MAPK10: variants seen among roughly 807,000 people sequenced by gnomAD.
MAPK10 encodes mitogen-activated protein kinase 10, also known as JNK3 alpha protein kinase.
A neutral mutation model predicts 59.3 loss-of-function variants in MAPK10; 25 were observed. That is an observed-to-expected ratio of 0.42 (90% CI 0.31 to 0.59). MAPK10 has a LOEUF of 0.59. Among genes scored for constraint, MAPK10 ranks in the 20% least tolerant of loss-of-function variants. The probability of loss-of-function intolerance (pLI) is 0.15; values close to 1 mark genes in which losing one functional copy is unlikely to be tolerated. For synonymous variants in MAPK10, 190 were observed against 200.5 expected (o/e 0.95, Z 0.44); for missense variants, 351 against 568.9 (o/e 0.62, Z 3.90).
intron 2 of MAPK10, among the ~76,000 whole-genome samples, chr4:86,341,370 A>G (rs1207844011): frequency 3.9e-5 from 6 of 152,334 alleles, no homozygotes; most frequent in African/African-American, 1.4e-4. Flanking sequence ...GTATTTTTAG[A>G]AGTCTTAAGA....
chr4:86,149,549 G>A (rs1423290966), intron 4 of MAPK10, among the ~76,000 whole-genome samples: 1 of 152,182 alleles, frequency 6.6e-6, no homozygotes, highest in Non-Finnish European at 1.5e-5. Flanking sequence ...TTACAGGCAC[G>A]AGTCACCGCA....
intron 2 of MAPK10, among the ~76,000 whole-genome samples, chr4:86,272,385 AG>A: frequency 6.6e-6 from 1 of 152,068 alleles, no homozygotes; most frequent in Admixed American, 6.6e-5. Flanking sequence ...CTCTCTAAAA[AG>A]TTTATGCCTA....
At chr4:86,060,206 T>C (rs2045466412) in intron 11 of MAPK10, among the ~76,000 whole-genome samples, 1 of 152,202 alleles carries the variant, frequency 6.6e-6, no homozygotes, top group East Asian at 1.9e-4. Flanking sequence ...TCTGACTCCA[T>C]ATGTTTGTAC....
intron 11 of MAPK10, among the ~76,000 whole-genome samples, chr4:86,054,395 C>T (rs567188645): frequency 6.6e-6 from 1 of 152,202 alleles, no homozygotes; most frequent in East Asian, 1.9e-4. Context: ...GCAATTCAAA[C>T]GATAGCTTCA....
intron 2 of MAPK10, among the ~76,000 whole-genome samples, chr4:86,338,963 T>C (rs993364267): frequency 6.7e-5 from 6 of 88,996 alleles, no homozygotes; most frequent in African/African-American, 2.0e-4. Flanking sequence ...CATACCCATT[T>C]TGTAGATTAA....
intron 2 of MAPK10, among the ~76,000 whole-genome samples, chr4:86,212,721 A>G (rs1409221525): frequency 6.6e-6 from 1 of 152,186 alleles, no homozygotes; most frequent in Non-Finnish European, 1.5e-5. Flanking sequence ...GACCATCAAA[A>G]TATAGGAAGC....
intron 2 of MAPK10, among the ~76,000 whole-genome samples, chr4:86,236,101 A>T (rs2092195635): frequency 6.7e-6 from 1 of 150,356 alleles, no homozygotes; most frequent in South Asian, 2.1e-4. Context: ...TCTGCAACAC[A>T]CTCTCTCTCT....
chr4:86,290,446 A>G (rs2095184954), intron 2 of MAPK10, among the ~76,000 whole-genome samples: 1 of 152,204 alleles, frequency 6.6e-6, no homozygotes, highest in Non-Finnish European at 1.5e-5. Context: ...TAATACTGGC[A>G]ACGGCCAATC....
At chr4:86,368,267 C>A (rs900166367) in intron 1 of MAPK10, among the ~76,000 whole-genome samples, 2 of 152,110 alleles carry the variant, frequency 1.3e-5, no homozygotes, top group Non-Finnish European at 2.9e-5. Flanking sequence ...GTAGAGAATT[C>A]CCATATACCC....
At chr4:86,350,278 G>A (rs1255355380) in intron 2 of MAPK10, among the ~76,000 whole-genome samples, 4 of 149,944 alleles carry the variant, frequency 2.7e-5, no homozygotes, top group East Asian at 2.0e-4. Flanking sequence ...GCAGTGGCAC[G>A]ATCGCGGCTC....
chr4:86,255,402 C>T (rs1196482926), intron 2 of MAPK10, among the ~76,000 whole-genome samples: 2 of 152,122 alleles, frequency 1.3e-5, no homozygotes, highest in African/African-American at 4.8e-5. Flanking sequence ...TTCATCAATG[C>T]ACCATGACAT....
At chr4:86,322,342 G>C (rs913574920) in intron 2 of MAPK10, among the ~76,000 whole-genome samples, 5 of 152,174 alleles carry the variant, frequency 3.3e-5, no homozygotes, top group African/African-American at 1.2e-4. Context: ...ACACAATCTA[G>C]TCAGCTAGCA....
chr4:86,249,815 G>A (rs1349018267), intron 2 of MAPK10, among the ~76,000 whole-genome samples: 1 of 152,074 alleles, frequency 6.6e-6, no homozygotes, highest in Non-Finnish European at 1.5e-5. Context: ...AATGACAACT[G>A]CAGTCAAGAT....
At chr4:86,320,243 A>G (rs1564344626) in intron 2 of MAPK10, among the ~76,000 whole-genome samples, 1 of 152,316 alleles carries the variant, frequency 6.6e-6, no homozygotes, top group Middle Eastern at 3.4e-3. Flanking sequence ...ATTTGAAAAT[A>G]TATCTCCCAA....
At chr4:86,214,522 A>AC (rs1001709340) in intron 2 of MAPK10, among the ~76,000 whole-genome samples, 82 of 149,616 alleles carry the variant, frequency 5.5e-4, no homozygotes, top group African/African-American at 1.9e-3. Context: ...AAAAAAAAAA[A>AC]AAAAAAAAAA....
At chr4:86,453,483 C>A (rs975042337), upstream of MAPK10, 1 of 152,196 alleles carries the variant, frequency 6.6e-6, no homozygotes, top group African/African-American at 2.4e-5. Flanking sequence ...AGCTTGCCCG[C>A]ACTTCCCTGT....
intron 1 of MAPK10, among the ~76,000 whole-genome samples, chr4:86,590,134 CAG>C (rs1762932610): frequency 6.6e-6 from 1 of 151,886 alleles, no homozygotes; most frequent in African/African-American, 2.4e-5. Context: ...CATCTGATAA[CAG>C]AAATAAAATA....
At chr4:86,091,640 T>C (rs748618018) in intron 9 of MAPK10, among the ~76,000 whole-genome samples, 1 of 150,110 alleles carries the variant, frequency 6.7e-6, no homozygotes, top group Non-Finnish European at 1.5e-5. Context: ...CTGGTCTCTA[T>C]GTTGCTTTAG....
At chr4:86,078,604 T>TATATAC (rs545667584) in intron 9 of MAPK10, among the ~76,000 whole-genome samples, 11 of 149,666 alleles carry the variant, frequency 7.3e-5, no homozygotes, top group South Asian at 2.1e-4. Flanking sequence ...TATATATATA[T>TATATAC]ACACACACAC....
Sources: allele counts gnomAD v4.1 joint callset (sites outside exome capture counted in the v4.1 genomes callset), GRCh38; gene constraint gnomAD v4.1.1; transcripts MANE v1.5; gene names NCBI Gene and HGNC (gene_info 2026-07-23, HGNC 2026-07-21).